Variants in PTK2 observed in about 807,000 individuals in gnomAD.
PTK2 encodes protein tyrosine kinase 2, also known as focal adhesion kinase 1.
A neutral mutation model predicts 150.1 loss-of-function variants in PTK2; 45 were observed. The observed-to-expected ratio is 0.30, with a 90% CI of 0.24 to 0.38. PTK2 has a LOEUF of 0.38. Ranked by LOEUF, PTK2 falls within the 10% of genes least tolerant of loss-of-function variation. PTK2 has a pLI of 1.00. For synonymous variants in PTK2, 432 were observed against 449.2 expected (o/e 0.96, Z 0.48); for missense variants, 919 against 1,307.3 (o/e 0.70, Z 4.58).
chr8:140,868,838 G>A (rs1325304062), intron 4 of PTK2, among the ~76,000 whole-genome samples: 1 of 152,070 alleles, frequency 6.6e-6, no homozygotes, highest in African/African-American at 2.4e-5. Context: ...ACCGTAATGT[G>A]GTATTCTGAA....
At chr8:140,884,672 C>T (rs2100151646) in intron 3 of PTK2, among the ~76,000 whole-genome samples, 1 of 152,090 alleles carries the variant, frequency 6.6e-6, no homozygotes, top group African/African-American at 2.4e-5. Context: ...GAAGAATTCC[C>T]TTCCCCTACA....
At chr8:140,748,253 G>C (rs2100060635) in intron 17 of PTK2, among the ~76,000 whole-genome samples, 1 of 152,262 alleles carries the variant, frequency 6.6e-6, no homozygotes, top group East Asian at 1.9e-4. Context: ...CAGCACTTTG[G>C]GAGGCCGAGG....
intron 14 of PTK2, among the ~76,000 whole-genome samples, chr8:140,772,233 G>A (rs2100075911): frequency 6.6e-6 from 1 of 152,154 alleles, no homozygotes. Context: ...GGGCCTGCCA[G>A]CCTGTGTAAC....
At chr8:140,879,234 A>T in intron 4 of PTK2, 1 of 375,098 alleles carries the variant, frequency 2.7e-6, no homozygotes, top group Non-Finnish European at 4.7e-6. Flanking sequence ...AGCTAGCAAA[A>T]GACCATCACA....
At chr8:140,755,439 G>A (rs911720595) in intron 16 of PTK2, among the ~76,000 whole-genome samples, 7 of 152,032 alleles carry the variant, frequency 4.6e-5, no homozygotes, top group African/African-American at 1.7e-4. Flanking sequence ...CGGCCACACC[G>A]TCCTCCTGGT....
At chr8:140,717,558 G>GT in intron 23 of PTK2, 40 bp downstream of exon 26, 1 of 1,489,672 alleles carries the variant, frequency 6.7e-7, no homozygotes, top group Non-Finnish European at 9.4e-7. Context: ...TTGAAAGTTA[G>GT]TAAGAGTAAC....
Position 140,816,175 on chromosome 8 carries a change from T to C in PTK2, c.867+2102A>G, listed in dbSNP as rs2100104597. 2.0e-5 allele frequency among the ~76,000 whole-genome samples: 3 copies of C among 152,214 alleles called. No homozygotes were observed. In the South Asian group the frequency reaches 6.2e-4, roughly 31 times the overall value. ...AAACAATAATCAAGAATATCTTCTA[T>C]GCTCACAATATAAATTTTAAATTGT... On this transcript the variant is annotated intron_variant, in intron 10 of 31. Transcript: ENST00000522684.
At chr8:140,831,587 A>G (rs560412180) in intron 7 of PTK2, among the ~76,000 whole-genome samples, 4 of 152,216 alleles carry the variant, frequency 2.6e-5, no homozygotes, top group Non-Finnish European at 5.9e-5. Flanking sequence ...TCCTAAGCCA[A>G]TGAATTCCTC....
intron 1 of PTK2, among the ~76,000 whole-genome samples, chr8:140,984,503 G>A (rs751928797): frequency 3.6e-4 from 55 of 152,090 alleles, no homozygotes; most frequent in Non-Finnish European, 6.6e-4. Context: ...AAAATATAAC[G>A]AGATCCCTGG....
chr8:140,956,262 A>T (rs1041137757), intron 1 of PTK2, among the ~76,000 whole-genome samples: 5 of 152,248 alleles, frequency 3.3e-5, no homozygotes, highest in African/African-American at 1.2e-4. Flanking sequence ...CACCACAAGG[A>T]AATTAATACC....
chr8:140,890,598 C>T (rs374554975), exon 3 of PTK2: 2 of 1,613,972 alleles, frequency 1.2e-6, no homozygotes, highest in Non-Finnish European at 1.7e-6. Flanking sequence ...GGTTGGCTCA[C>T]TATTGCTTTC....
intron 26 of PTK2, among the ~76,000 whole-genome samples, chr8:140,690,834 A>C (rs2100022753): frequency 6.6e-6 from 1 of 152,218 alleles, no homozygotes; most frequent in Non-Finnish European, 1.5e-5. Flanking sequence ...ATCATCATAA[A>C]ATAGACAATG....
chr8:140,853,835 C>A (rs576643987), intron 5 of PTK2, among the ~76,000 whole-genome samples: 1 of 152,294 alleles, frequency 6.6e-6, no homozygotes, highest in South Asian at 2.1e-4. Flanking sequence ...AAAAGGGCAG[C>A]TGATAATTCC....
intron 23 of PTK2, among the ~76,000 whole-genome samples, chr8:140,717,173 C>T (rs1418715798): frequency 6.6e-6 from 1 of 152,186 alleles, no homozygotes; most frequent in Non-Finnish European, 1.5e-5. Context: ...GAGTTCTCAA[C>T]AAACAAAACA....
chr8:140,852,895 T>C (rs139599364), intron 5 of PTK2, among the ~76,000 whole-genome samples: 81 of 152,346 alleles, frequency 5.3e-4, no homozygotes, highest in African/African-American at 1.8e-3. Context: ...CTTAGTCTCT[T>C]AGAAACTAAA....
At chr8:140,752,131 C>A in intron 17 of PTK2, 101 bp downstream of exon 20, 1 of 1,001,676 alleles carries the variant, frequency 1.0e-6, no homozygotes, top group Non-Finnish European at 1.5e-6. Context: ...ATAGTTGTCT[C>A]CTAAAAGTCA....
intron 29 of PTK2, chr8:140,672,162 T>C (rs1400419011): frequency 8.8e-6 from 4 of 454,374 alleles, no homozygotes; most frequent in Non-Finnish European, 1.8e-5. Context: ...TTTTGGCTTA[T>C]GAAAATAAAT....
intron 26 of PTK2, among the ~76,000 whole-genome samples, chr8:140,695,132 T>C (rs2100025752): frequency 6.6e-6 from 1 of 152,266 alleles, no homozygotes; most frequent in Non-Finnish European, 1.5e-5. Context: ...CATGGACTCC[T>C]CATTCTGAAT....
At chr8:140,793,484 T>C (rs2100089818) in intron 12 of PTK2, 100 bp from the exon 13 acceptor site, 1 of 1,268,194 alleles carries the variant, frequency 7.9e-7, no homozygotes, top group African/African-American at 1.5e-5. Flanking sequence ...ATACTGGTAT[T>C]CCAGCAATGA....
Sources: gnomAD v4.1 joint callset for allele counts (sites outside exome capture counted in the v4.1 genomes callset) on GRCh38, gnomAD v4.1.1 for gene constraint, MANE v1.5 for transcripts, NCBI Gene and HGNC (gene_info 2026-07-23, HGNC 2026-07-21) for gene names.